ACYP2: variants seen among roughly 807,000 people sequenced by gnomAD.
The protein encoded by ACYP2 is acylphosphatase-2.
In ACYP2, 12 loss-of-function variants were observed where a neutral mutation model predicts 11.2. The ratio of observed to expected loss-of-function variants is 1.08; its 90% confidence interval spans 0.69 to 1.74. The LOEUF is 1.74. ACYP2 is among the 40% of genes most tolerant of loss of function. The pLI, the probability that ACYP2 is intolerant of heterozygous loss-of-function variation, is 0.00. For synonymous variants in ACYP2, 43 were observed against 32.2 expected, an observed-to-expected ratio of 1.33 and a Z score of -1.13; for missense variants, 134 against 101.9, an observed-to-expected ratio of 1.31 and a Z score of -1.35.
intron 6 of ACYP2, among the ~76,000 whole-genome samples, chr2:54,302,563 T>C (rs375107730): frequency 1.3e-5 from 2 of 152,334 alleles, no homozygotes; most frequent in African/African-American, 2.4e-5. Flanking sequence ...GCCAATCTTA[T>C]AACTTTCGAT....
chr2:53,982,337 A>C (rs1416501679), intron 2 of ACYP2, among the ~76,000 whole-genome samples: 1 of 152,210 alleles, frequency 6.6e-6, no homozygotes, highest in African/African-American at 2.4e-5. Flanking sequence ...AGACACATAA[A>C]AGGTATAATA....
chr2:54,273,655 G>A (rs1688414548), intron 6 of ACYP2, among the ~76,000 whole-genome samples: 1 of 152,044 alleles, frequency 6.6e-6, no homozygotes, highest in South Asian at 2.1e-4. Context: ...TAGTAGAGAT[G>A]GCATTTCACC....
chr2:54,051,318 A>C, intron 3 of ACYP2: 1 of 765,334 alleles, frequency 1.3e-6, no homozygotes, highest in Non-Finnish European at 2.4e-6. Context: ...GCTTCAGTCA[A>C]CTTCTCAGAG....
At chr2:54,142,705 G>C (rs1477011860) in intron 6 of ACYP2, 1 of 151,980 alleles carries the variant, frequency 6.6e-6, no homozygotes, top group Non-Finnish European at 1.5e-5. Flanking sequence ...TCTGGGCAAT[G>C]GGAGTAGCCT....
intron 6 of ACYP2, among the ~76,000 whole-genome samples, chr2:54,291,085 C>A (rs1689286632): frequency 6.6e-6 from 1 of 152,178 alleles, no homozygotes; most frequent in African/African-American, 2.4e-5. Flanking sequence ...CTTCCACCCC[C>A]ACCACTTCAC....
intron 4 of ACYP2, among the ~76,000 whole-genome samples, chr2:54,062,088 A>G (rs1163247602): frequency 1.3e-5 from 2 of 152,186 alleles, no homozygotes; most frequent in Non-Finnish European, 2.9e-5. Context: ...ATTACAAACT[A>G]TTGTTATTAA....
At chr2:54,080,725 T>A (rs1197812178) in intron 4 of ACYP2, among the ~76,000 whole-genome samples, 1 of 152,020 alleles carries the variant, frequency 6.6e-6, no homozygotes, top group Non-Finnish European at 1.5e-5. Flanking sequence ...TGACCTCAGG[T>A]GATCCTCCCA....
intron 4 of ACYP2, among the ~76,000 whole-genome samples, chr2:54,101,684 A>C (rs953708304): frequency 3.9e-5 from 6 of 151,986 alleles, no homozygotes; most frequent in African/African-American, 1.2e-4. Flanking sequence ...AAAAAAAAAA[A>C]AAAAAACTGC....
chr2:53,984,926 C>T (rs763959511), intron 2 of ACYP2, among the ~76,000 whole-genome samples: 1 of 151,914 alleles, frequency 6.6e-6, no homozygotes, highest in Non-Finnish European at 1.5e-5. Flanking sequence ...AGCTCTGTAC[C>T]TAACAATGAA....
At chr2:54,255,982 T>G (rs1389763426) in intron 6 of ACYP2, 7 of 1,614,058 alleles carry the variant, frequency 4.3e-6, no homozygotes, top group Non-Finnish European at 5.9e-6. Context: ...CGCGACCCCC[T>G]CCTCTGGAAG....
intron 2 of ACYP2, among the ~76,000 whole-genome samples, chr2:54,035,746 C>T (rs977067013): frequency 6.6e-6 from 1 of 152,098 alleles, no homozygotes; most frequent in Non-Finnish European, 1.5e-5. Flanking sequence ...CTGTTGGCAC[C>T]AGGCTTTTAC....
chr2:54,015,645 TCACACA>T (rs4027206), intron 2 of ACYP2, among the ~76,000 whole-genome samples: 10,230 of 130,396 alleles, frequency 0.078, 459 homozygotes, highest in Non-Finnish European at 0.1. Context: ...TGAGACCCCG[TCACACA>T]CACACACACA....
chr2:54,169,846 C>T (rs1683152229), intron 6 of ACYP2, among the ~76,000 whole-genome samples: 1 of 152,136 alleles, frequency 6.6e-6, no homozygotes, highest in Non-Finnish European at 1.5e-5. Flanking sequence ...CCATCCCATC[C>T]CACTCCTCAA....
intron 6 of ACYP2, among the ~76,000 whole-genome samples, chr2:54,213,581 C>T (rs1037682353): frequency 6.6e-6 from 1 of 152,182 alleles, no homozygotes; most frequent in African/African-American, 2.4e-5. Context: ...ACCTCGCCAG[C>T]ATCTGTTATT....
At chr2:54,171,282 A>G (rs1440280933) in intron 6 of ACYP2, among the ~76,000 whole-genome samples, 1 of 152,154 alleles carries the variant, frequency 6.6e-6, no homozygotes, top group Non-Finnish European at 1.5e-5. Flanking sequence ...AAGGGCTTCA[A>G]ACATAAAGAA....
chr2:54,275,384 C>T lies in ACYP2; in HGVS notation c.405-29304C>T, dbSNP rs1426730491. ...ACCACAGGAAACTGAGGATTGGCTA[C>T]TGACTATTTGAAATTGGCTATTTCA... On this transcript the variant is annotated intron_variant, in intron 6 of 6. Transcript: ENST00000607452. Among the ~76,000 whole-genome samples the T allele has an allele frequency of 2.0e-5, 3 of 152,182 alleles. No individual in the cohort carries two copies. The East Asian group carries it at 5.8e-4, about 29-fold the overall frequency.
At chr2:53,983,375 A>C (rs1192035179) in intron 2 of ACYP2, among the ~76,000 whole-genome samples, 1 of 152,094 alleles carries the variant, frequency 6.6e-6, no homozygotes, top group Admixed American at 6.6e-5. Context: ...GTGTGGTGGC[A>C]TGTGCCTGTA....
At chr2:54,115,126 C>T (rs1195628386) in intron 4 of ACYP2, among the ~76,000 whole-genome samples, 1 of 152,140 alleles carries the variant, frequency 6.6e-6, no homozygotes, top group East Asian at 1.9e-4. Flanking sequence ...TGTTGTCTAA[C>T]ATGGTGACTG....
chr2:54,234,777 T>C (rs1363400400), intron 6 of ACYP2, among the ~76,000 whole-genome samples: 1 of 152,256 alleles, frequency 6.6e-6, no homozygotes, highest in African/African-American at 2.4e-5. Context: ...GTTATCCATT[T>C]GTACACTACT....
Sources: allele counts gnomAD v4.1 joint callset (sites outside exome capture counted in the v4.1 genomes callset), GRCh38; gene constraint gnomAD v4.1.1; transcripts MANE v1.5; gene names NCBI Gene and HGNC (gene_info 2026-07-23, HGNC 2026-07-21).